The following SERGEF variants were observed in gnomAD, a reference collection of about 807,000 sequenced individuals.
SERGEF encodes the protein secretion regulating guanine nucleotide exchange factor, also known as secretion-regulating guanine nucleotide exchange factor.
A neutral mutation model predicts 50.0 loss-of-function variants in SERGEF; 51 were observed. That is an observed-to-expected ratio of 1.02 (90% CI 0.81 to 1.29). The LOEUF is 1.29. Among genes scored for constraint, SERGEF ranks in the 50% most tolerant of loss-of-function variants. The pLI, the probability that SERGEF is intolerant of heterozygous loss-of-function variation, is 0.00. For synonymous variants in SERGEF, 205 were observed against 212.4 expected (o/e 0.97, Z 0.30); for missense variants, 521 against 557.0 (o/e 0.94, Z 0.65).
At chr11:17,954,946 G>A (rs189003013) in intron 9 of SERGEF, among the ~76,000 whole-genome samples, 1 of 152,322 alleles carries the variant, frequency 6.6e-6, no homozygotes, top group African/African-American at 2.4e-5. Flanking sequence ...CTATTTCACA[G>A]CATCATGCTG....
chr11:17,939,905 A>T (rs530300587), intron 9 of SERGEF, among the ~76,000 whole-genome samples: 16 of 152,358 alleles, frequency 1.1e-4, no homozygotes, highest in African/African-American at 3.6e-4. Flanking sequence ...ATGCTCAGAC[A>T]TCAAAAGGAC....
chr11:17,842,277 C>A (rs934263822), intron 10 of SERGEF, among the ~76,000 whole-genome samples: 1 of 152,096 alleles, frequency 6.6e-6, no homozygotes, highest in Non-Finnish European at 1.5e-5. Context: ...ATAACAGGTC[C>A]CTTTCTAATA....
rs201319250 is a variant in SERGEF, at chr11:17,813,335, A to G, written c.1049-24922T>C. 2.0e-3 allele frequency among the ~76,000 whole-genome samples: 301 copies of G among 152,316 alleles called. 2 individuals carry two copies. The highest frequency in any genetic ancestry group is 6.9e-3 in the African/African-American group (285 of 41,574). On this transcript the variant is annotated intron_variant, in intron 10 of 10. Coordinates refer to ENST00000265965, the MANE Select transcript of SERGEF (RefSeq NM_012139.4). The stretch of plus-strand genomic sequence containing the variant: ...AAAAAGGTAGCTGAGGCCTAAGCTC[A>G]TGAGGTGACTTGCTCATGATCATGT...
intron 10 of SERGEF, among the ~76,000 whole-genome samples, chr11:17,841,569 A>G (rs1850501992): frequency 6.6e-6 from 1 of 152,148 alleles, no homozygotes; most frequent in Non-Finnish European, 1.5e-5. Context: ...GTTTTGCCAC[A>G]TCCACTTTTG....
intron 10 of SERGEF, among the ~76,000 whole-genome samples, chr11:17,825,486 A>C (rs1850176457): frequency 6.6e-6 from 1 of 152,224 alleles, no homozygotes; most frequent in South Asian, 2.1e-4. Flanking sequence ...AGTCAAATGT[A>C]AGCATTTTCT....
intron 9 of SERGEF, among the ~76,000 whole-genome samples, chr11:17,911,078 T>C (rs1013245097): frequency 6.6e-6 from 1 of 152,148 alleles, no homozygotes; most frequent in Non-Finnish European, 1.5e-5. Flanking sequence ...GCACATGAGA[T>C]GAATAAGAGA....
intron 9 of SERGEF, among the ~76,000 whole-genome samples, chr11:17,879,045 C>G (rs1355261095): frequency 6.6e-6 from 1 of 152,198 alleles, no homozygotes; most frequent in African/African-American, 2.4e-5. Flanking sequence ...ATGGTTGAGT[C>G]TCATTCACCT....
intron 8 of SERGEF, 22 bp downstream of exon 8, chr11:17,988,575 A>G: frequency 6.2e-7 from 1 of 1,611,944 alleles, no homozygotes. Flanking sequence ...TACCAACCGT[A>G]AGTTCTCTGC....
chr11:17,846,614 C>T (rs990124483), intron 10 of SERGEF: 9 of 440,868 alleles, frequency 2.0e-5, no homozygotes, highest in East Asian at 7.1e-5. Context: ...TCTGGTCATC[C>T]GATCATCAGC....
intron 10 of SERGEF, among the ~76,000 whole-genome samples, chr11:17,852,588 TTTTAA>T (rs2133873621): frequency 6.6e-6 from 1 of 152,308 alleles, no homozygotes; most frequent in African/African-American, 2.4e-5. Flanking sequence ...TATCACAGAC[TTTTAA>T]GTGATAAAAA....
rs1554999450 is a variant in SERGEF at position 17,830,649 on chromosome 11, G to GAGAGAGAGAGAGAGAGAGA, written c.1049-42237_1049-42236insTCTCTCTCTCTCTCTCTCT. On this transcript the variant is annotated intron_variant, in intron 10 of 10. Coordinates refer to ENST00000265965, the MANE Select transcript of SERGEF (RefSeq NM_012139.4). ...GAGGGAAAGGGGGAGGGAGAGGGAGGGAGAGAGAGAGAGAGAGAGAGAGAG... is the reference window on the plus strand; with the variant it reads ...GAGGGAAAGGGGGAGGGAGAGGGAGGAGAGAGAGAGAGAGAGAGAGAGAGAGAGAGAGAGAGAGAGAGAG... Among the ~76,000 whole-genome samples the GAGAGAGAGAGAGAGAGAGA allele has an allele frequency of 1.8e-4, 14 of 77,726 alleles. 5 individuals are homozygous for GAGAGAGAGAGAGAGAGAGA. The highest frequency in any genetic ancestry group is 7.5e-4 in the African/African-American group (13 of 17,314). 51.0% of individuals were successfully genotyped at this position (77,726 alleles called of 152,430 possible).
intron 9 of SERGEF, among the ~76,000 whole-genome samples, chr11:17,886,985 T>A (rs897421016): frequency 2.6e-5 from 4 of 152,074 alleles, no homozygotes; most frequent in African/African-American, 9.7e-5. Flanking sequence ...TTGAAACAGT[T>A]CTAGGGAGTG....
At chr11:17,837,948 A>G (rs1415080152) in intron 10 of SERGEF, among the ~76,000 whole-genome samples, 1 of 152,132 alleles carries the variant, frequency 6.6e-6, no homozygotes, top group African/African-American at 2.4e-5. Flanking sequence ...TACAGGCGTG[A>G]GCCACCGTGC....
intron 8 of SERGEF, among the ~76,000 whole-genome samples, chr11:17,961,273 C>T (rs1852991519): frequency 6.6e-6 from 1 of 152,178 alleles, no homozygotes; most frequent in Non-Finnish European, 1.5e-5. Flanking sequence ...ACTCTTCCTT[C>T]ACTTCTGCAA....
intron 9 of SERGEF, among the ~76,000 whole-genome samples, chr11:17,889,284 A>T (rs1851488891): frequency 6.6e-6 from 1 of 152,240 alleles, no homozygotes; most frequent in Non-Finnish European, 1.5e-5. Flanking sequence ...CTTATAGCAG[A>T]GAAAGGAGGC....
intron 9 of SERGEF, among the ~76,000 whole-genome samples, chr11:17,925,188 TGGGC>T (rs1852228556): frequency 6.6e-6 from 1 of 151,398 alleles, no homozygotes; most frequent in African/African-American, 2.4e-5. Context: ...ACTAGGCCAC[TGGGC>T]ACCACGAAAG....
At chr11:17,921,197 A>T (rs1852149758) in intron 9 of SERGEF, among the ~76,000 whole-genome samples, 1 of 152,242 alleles carries the variant, frequency 6.6e-6, no homozygotes, top group African/African-American at 2.4e-5. Context: ...TATTGTACTC[A>T]ATGCTAAACT....
chr11:17,890,026 CAA>C (rs59805347), intron 9 of SERGEF, among the ~76,000 whole-genome samples: 183 of 73,952 alleles, frequency 2.5e-3, no homozygotes, highest in African/African-American at 7.6e-3. Context: ...ACACTTCAAC[CAA>C]AAAAAAAAAA....
chr11:18,007,418 A>T (rs750672819), intron 2 of SERGEF, among the ~76,000 whole-genome samples: 2 of 152,194 alleles, frequency 1.3e-5, no homozygotes, highest in African/African-American at 4.8e-5. Context: ...CCACATAGAT[A>T]ATAAGTCACA....
Sources: allele counts gnomAD v4.1 joint callset (sites outside exome capture counted in the v4.1 genomes callset), GRCh38; gene constraint gnomAD v4.1.1; transcripts MANE v1.5; gene names NCBI Gene and HGNC (gene_info 2026-07-23, HGNC 2026-07-21).